Variants in TMEM132B observed in about 807,000 individuals in gnomAD.
TMEM132B encodes the protein transmembrane protein 132B.
Under a neutral mutation model 90.8 loss-of-function variants are expected in TMEM132B, and 18 were observed. The observed-to-expected ratio is 0.20, with a 90% CI of 0.14 to 0.29. The LOEUF (loss-of-function observed/expected upper bound fraction) is 0.29. Ranked by LOEUF, TMEM132B falls within the 10% of genes least tolerant of loss-of-function variation. TMEM132B has a pLI of 1.00. For missense variants in TMEM132B, 1,096 were observed against 1,326.8 expected, an observed-to-expected ratio of 0.83 and a Z score of 2.70; for synonymous variants, 504 against 523.3, an observed-to-expected ratio of 0.96 and a Z score of 0.50.
intron 3 of TMEM132B, among the ~76,000 whole-genome samples, chr12:125,464,750 C>T (rs1881522347): frequency 1.3e-5 from 2 of 152,240 alleles, no homozygotes; most frequent in South Asian, 4.1e-4. Flanking sequence ...TTGCCCTGAG[C>T]ATGAGTTCTG....
intron 5 of TMEM132B, among the ~76,000 whole-genome samples, chr12:125,606,884 G>A (rs1244850092): frequency 6.6e-6 from 1 of 152,188 alleles, no homozygotes; most frequent in Non-Finnish European, 1.5e-5. Context: ...TATCCTCACA[G>A]CTCATTGGCC....
At chr12:125,199,808 T>C (rs74638491) in intron 1 of TMEM132B, among the ~76,000 whole-genome samples, 5,359 of 150,764 alleles carry the variant, frequency 0.036, 109 homozygotes, top group African/African-American at 0.053. Context: ...GATGAAGGTA[T>C]AGATTAAAAA....
At chr12:125,330,334 T>TTTC in intron 1 of TMEM132B, among the ~76,000 whole-genome samples, 1 of 33,750 alleles carries the variant, frequency 3.0e-5, no homozygotes, top group African/African-American at 4.1e-4. Flanking sequence ...AAGGGGTTTC[T>TTTC]TTTTTTTTTT....
At chr12:125,586,858 G>GAAGGAAA (rs1421997356) in intron 5 of TMEM132B, 2 of 152,150 alleles carry the variant, frequency 1.3e-5, no homozygotes, top group African/African-American at 4.8e-5. Flanking sequence ...ACTTAATAAG[G>GAAGGAAA]AAGGAAAAAG....
chr12:125,431,854 C>G (rs1229694572), intron 3 of TMEM132B, among the ~76,000 whole-genome samples: 1 of 152,120 alleles, frequency 6.6e-6, no homozygotes, highest in Non-Finnish European at 1.5e-5. Context: ...AGCCATTGGT[C>G]ATGGGATTCT....
At chr12:125,462,171 G>C (rs1015940332) in intron 3 of TMEM132B, among the ~76,000 whole-genome samples, 2 of 152,174 alleles carry the variant, frequency 1.3e-5, no homozygotes, top group Non-Finnish European at 2.9e-5. Context: ...AGAATAAAGG[G>C]AATAGATCGC....
At chr12:125,362,429 A>C (rs995716901) in intron 2 of TMEM132B, among the ~76,000 whole-genome samples, 2 of 152,342 alleles carry the variant, frequency 1.3e-5, no homozygotes, top group East Asian at 3.9e-4. Flanking sequence ...AGTTTTATAC[A>C]TGCCCTGGAT....
intron 1 of TMEM132B, among the ~76,000 whole-genome samples, chr12:125,222,941 G>A (rs887681516): frequency 2.6e-5 from 4 of 152,204 alleles, no homozygotes; most frequent in Non-Finnish European, 5.9e-5. Context: ...TTTCTTTGAA[G>A]GATCAGGCAG....
intron 4 of TMEM132B, among the ~76,000 whole-genome samples, chr12:125,530,998 C>T (rs959274236): frequency 1.3e-5 from 2 of 152,158 alleles, no homozygotes; most frequent in South Asian, 2.1e-4. Flanking sequence ...ACTGCACCTT[C>T]GCGTGTGCAG....
chr12:125,527,770 C>T (rs147247394), intron 4 of TMEM132B, among the ~76,000 whole-genome samples: 1,768 of 152,260 alleles, frequency 0.012, 23 homozygotes, highest in African/African-American at 0.04. Flanking sequence ...CTTCCATCTA[C>T]GCATCTACTT....
At chr12:125,295,515 T>TGAGAGA (rs1555237218) in intron 1 of TMEM132B, among the ~76,000 whole-genome samples, 32,121 of 141,542 alleles carry the variant, frequency 0.23, 4,011 homozygotes, top group East Asian at 0.49. Flanking sequence ...TGTGTGTGTG[T>TGAGAGA]GAGAGAGAGA....
rs1299179655 is a variant in TMEM132B, at chr12:125,458,005, G to A, written c.1106+42328G>A. Reference sequence around the variant, plus strand: ...GATTAAACAGAGCTGTATCAGGATGGGGTGTACGTCTCAGGTGATCCCTGG... The same window carrying A: ...GATTAAACAGAGCTGTATCAGGATGAGGTGTACGTCTCAGGTGATCCCTGG... On this transcript the variant is annotated intron_variant, in intron 3 of 8. Coordinates refer to ENST00000682704, the MANE Select transcript of TMEM132B (RefSeq NM_001366854.1). This position sits in a 1 kb window ranked among gnomAD's most constrained non-coding sequence, Gnocchi z 4.9. Among the ~76,000 whole-genome samples the A allele has an allele frequency of 6.6e-6, 1 of 152,148 alleles. No homozygotes were observed. The highest frequency in any genetic ancestry group is 1.5e-5 in the Non-Finnish European group (1 of 68,018).
At chr12:125,377,399 G>A (rs1186247241) in intron 2 of TMEM132B, among the ~76,000 whole-genome samples, 1 of 152,170 alleles carries the variant, frequency 6.6e-6, no homozygotes, top group Non-Finnish European at 1.5e-5. Context: ...GTGAAGTAGA[G>A]GTTGGGTAGC....
Position 125,246,174 on chromosome 12 carries a change from T to C in TMEM132B, c.67+59308T>C, listed in dbSNP as rs899883885. ...GCTTCATGACAGTGATAGCTCTCAG[T>C]ATTGACTGGACTGGAGGTCGCTCTG... On this transcript the variant is annotated intron_variant, in intron 1 of 8. Transcript: ENST00000682704. This position sits in a 1 kb window ranked among gnomAD's most constrained non-coding sequence, Gnocchi z 4.2. Among the ~76,000 whole-genome samples the C allele has an allele frequency of 1.2e-4, 19 of 152,154 alleles. No individual in the cohort carries two copies. The highest frequency in any genetic ancestry group is 4.3e-4 in the African/African-American group (18 of 41,442).
chr12:125,367,789 A>G (rs1878177720), intron 2 of TMEM132B, among the ~76,000 whole-genome samples: 1 of 152,126 alleles, frequency 6.6e-6, no homozygotes, highest in African/African-American at 2.4e-5. Flanking sequence ...TTTACGTAGG[A>G]CCAACTCTAG....
chr12:125,401,491 G>A (rs73424796), intron 2 of TMEM132B, among the ~76,000 whole-genome samples: 3,088 of 152,218 alleles, frequency 0.02, 107 homozygotes, highest in African/African-American at 0.064. Context: ...ACTGAGAGGT[G>A]ACATTTGTCC....
chr12:125,557,043 T>C (rs1209766626), intron 4 of TMEM132B, among the ~76,000 whole-genome samples: 2 of 152,240 alleles, frequency 1.3e-5, no homozygotes, highest in Non-Finnish European at 1.5e-5. Flanking sequence ...TTACGTGCCT[T>C]GTGTGTGGCA....
intron 3 of TMEM132B, among the ~76,000 whole-genome samples, chr12:125,495,067 G>A (rs1168642799): frequency 6.6e-5 from 4 of 61,062 alleles, no homozygotes; most frequent in African/African-American, 1.4e-4. Context: ...AAATGGCCGC[G>A]TCCCTCCTCC....
At position 125,307,611 on chromosome 12, in the gene TMEM132B, A is replaced by G. The variant is rs556555536; in HGVS notation, c.68-41841A>G. Among the ~76,000 whole-genome samples the G allele has an allele frequency of 3.3e-5, 5 of 151,938 alleles. No individual in the cohort carries two copies. The East Asian group carries it at 9.7e-4, about 29-fold the overall frequency. On this transcript the variant is annotated intron_variant, in intron 1 of 8. Transcript: ENST00000682704. ...CTGTGTGAAAATGAAAACATTACAA[A>G]TAGGGCTAAAGTCTGTTGTGATCAG... is the stretch of plus-strand genomic sequence containing the variant.
Sources: allele counts gnomAD v4.1 joint callset (sites outside exome capture counted in the v4.1 genomes callset), GRCh38; gene constraint gnomAD v4.1.1; non-coding constraint Gnocchi (gnomAD v3.1); transcripts MANE v1.5; gene names NCBI Gene and HGNC (gene_info 2026-07-23, HGNC 2026-07-21).